ATP10B: variants seen among roughly 807,000 people sequenced by gnomAD.
ATP10B encodes the protein ATPase phospholipid transporting 10B (putative), also known as phospholipid-transporting ATPase VB.
A neutral mutation model predicts 141.2 loss-of-function variants in ATP10B; 122 were observed. The observed-to-expected ratio is 0.86, with a 90% CI of 0.75 to 1.00. The LOEUF (loss-of-function observed/expected upper bound fraction) is 1.00. Among genes scored for constraint, ATP10B ranks in the 50% least tolerant of loss-of-function variants. ATP10B has a pLI of 0.00. For synonymous variants in ATP10B, 685 were observed against 692.0 expected (o/e 0.99, Z 0.16); for missense variants, 1,876 against 1,825.3 (o/e 1.03, Z -0.51).
At chr5:160,648,807 C>T (rs1760478940) in intron 8 of ATP10B, among the ~76,000 whole-genome samples, 1 of 152,066 alleles carries the variant, frequency 6.6e-6, no homozygotes. Flanking sequence ...CTGTCCAATT[C>T]CAAAGTCCCT....
chr5:160,790,262 T>A (rs1450305922), intron 1 of ATP10B, among the ~76,000 whole-genome samples: 1 of 152,152 alleles, frequency 6.6e-6, no homozygotes, highest in East Asian at 1.9e-4. Flanking sequence ...TATCCTCAAT[T>A]GCAACTTGAA....
intron 3 of ATP10B, among the ~76,000 whole-genome samples, chr5:160,690,489 A>T (rs1219387587): frequency 6.6e-6 from 1 of 152,188 alleles, no homozygotes; most frequent in African/African-American, 2.4e-5. Context: ...GAATCTACAA[A>T]GAATTTAAAC....
At chr5:160,746,517 G>A (rs1238645901) in intron 2 of ATP10B, among the ~76,000 whole-genome samples, 4 of 151,484 alleles carry the variant, frequency 2.6e-5, no homozygotes, top group Non-Finnish European at 4.4e-5. Context: ...TCAGCCTCCC[G>A]GGTAGCTGGG....
intron 3 of ATP10B, among the ~76,000 whole-genome samples, chr5:160,703,630 AATTTTTGAATT>A (rs1764807199): frequency 6.7e-6 from 1 of 148,428 alleles, no homozygotes. Flanking sequence ...GCACCTGGGT[AATTTTTGAATT>A]TTTAGTAAAA....
the ATP10B span, among the ~76,000 whole-genome samples, chr5:160,872,915 C>T: frequency 3.3e-5 from 5 of 151,688 alleles, no homozygotes; most frequent in South Asian, 4.2e-4. Flanking sequence ...TGAAGAACGA[C>T]GGTGGTATTT....
chr5:160,587,106 C>A (rs1755957814), intron 24 of ATP10B, among the ~76,000 whole-genome samples: 1 of 152,036 alleles, frequency 6.6e-6, no homozygotes, highest in South Asian at 2.1e-4. Context: ...AGTCTTTAAT[C>A]CATCTTGAGT....
At chr5:160,737,587 G>A (rs898864379) in intron 2 of ATP10B, among the ~76,000 whole-genome samples, 1 of 152,000 alleles carries the variant, frequency 6.6e-6, no homozygotes, top group Non-Finnish European at 1.5e-5. Context: ...AAAATCAGTA[G>A]CATTTCTATA....
At chr5:160,908,494 T>C in the ATP10B span, among the ~76,000 whole-genome samples, 6,753 of 152,312 alleles carry the variant, frequency 0.044, 188 homozygotes, top group South Asian at 0.063. Context: ...ATGTTTATGT[T>C]TCCTGAGTGA....
At chr5:160,786,740 G>A (rs1205360822) in intron 1 of ATP10B, among the ~76,000 whole-genome samples, 1 of 152,098 alleles carries the variant, frequency 6.6e-6, no homozygotes, top group African/African-American at 2.4e-5. Context: ...GCAAGGTAAA[G>A]ATTATTCACA....
chr5:160,778,176 CACAT>C (rs1770468998), intron 2 of ATP10B, among the ~76,000 whole-genome samples: 1 of 152,136 alleles, frequency 6.6e-6, no homozygotes, highest in African/African-American at 2.4e-5. Context: ...CTAAAGTAAA[CACAT>C]AAATAATTTT....
intron 2 of ATP10B, among the ~76,000 whole-genome samples, chr5:160,720,850 G>C (rs2127781497): frequency 6.6e-6 from 1 of 152,298 alleles, no homozygotes; most frequent in South Asian, 2.1e-4. Flanking sequence ...TAATTTGCAT[G>C]CTGCTTACAA....
intron 18 of ATP10B, 139 bp from the exon 19 acceptor site, chr5:160,607,225 T>C (rs1757446268): frequency 1.0e-5 from 8 of 765,998 alleles, no homozygotes; most frequent in Non-Finnish European, 1.6e-5. Flanking sequence ...CCAATTTTTA[T>C]ATTTCTCTGC....
chr5:160,670,464 T>G lies in ATP10B; in HGVS notation c.674A>C (p.Gln225Pro). The change falls in exon 7 of 26, where the codon CAG becomes CCG. Residue 225 changes from glutamine to proline, a missense_variant and splice_region_variant. Gln to Pro is a moderately conservative substitution (Grantham distance 76, BLOSUM62 -1). Transcript: ENST00000327245. ...QRCVVKGFSQ[Q>P]EVQFEPELFH... ...TGAAGATATTAGAAAGAGCCCTACCTGCTGTGAGAAGCCCTTCACGACACA... is the reference window on the plus strand; with the variant it reads ...TGAAGATATTAGAAAGAGCCCTACCGGCTGTGAGAAGCCCTTCACGACACA... 2 of 1,613,988 alleles carry G rather than the reference T, an allele frequency of 1.2e-6. No individual in the cohort carries two copies. The highest frequency in any genetic ancestry group is 1.7e-6 in the Non-Finnish European group (2 of 1,179,928).
intron 24 of ATP10B, among the ~76,000 whole-genome samples, chr5:160,575,568 T>C (rs1680457332): frequency 6.6e-6 from 1 of 152,186 alleles, no homozygotes; most frequent in Non-Finnish European, 1.5e-5. Context: ...TTTCCATATC[T>C]GTAATTAAAA....
intron 13 of ATP10B, among the ~76,000 whole-genome samples, chr5:160,626,105 T>TTAGAGCACTTAGAAAGAAAGCA (rs1370670510): frequency 6.6e-6 from 1 of 152,250 alleles, no homozygotes; most frequent in East Asian, 1.9e-4. Context: ...AACTTGGCAC[T>TTAGAGCACTTAGAAAGAAAGCA]TAGAGCACTT....
At chr5:160,828,702 A>T (rs1774820972) in intron 1 of ATP10B, among the ~76,000 whole-genome samples, 1 of 151,930 alleles carries the variant, frequency 6.6e-6, no homozygotes, top group Non-Finnish European at 1.5e-5. Context: ...CCATCCCATT[A>T]CTGGGTATGT....
At chr5:160,633,922 A>G (rs1349028967) in intron 12 of ATP10B, 3 of 324,900 alleles carry the variant, frequency 9.2e-6, no homozygotes, top group African/African-American at 6.5e-5. Context: ...AATAGAAGAC[A>G]TCTTCTGGAT....
the ATP10B span, among the ~76,000 whole-genome samples, chr5:160,882,239 A>G: frequency 6.6e-6 from 1 of 152,152 alleles, no homozygotes; most frequent in Non-Finnish European, 1.5e-5. Flanking sequence ...AGCAAATCCT[A>G]ATGTAAAACG....
chr5:160,684,345 AG>A (rs1172084603), intron 6 of ATP10B, among the ~76,000 whole-genome samples: 1 of 152,258 alleles, frequency 6.6e-6, no homozygotes, highest in East Asian at 1.9e-4. Context: ...TTCAAATTTT[AG>A]GAATTACAAA....
Sources: gnomAD v4.1 joint callset for allele counts (sites outside exome capture counted in the v4.1 genomes callset) on GRCh38, gnomAD v4.1.1 for gene constraint, MANE v1.5 for transcripts, NCBI Gene and HGNC (gene_info 2026-07-23, HGNC 2026-07-21) for gene names.